The following AGBL1 variants were observed in gnomAD, a reference collection of about 807,000 sequenced individuals.
AGBL1 encodes the protein AGBL carboxypeptidase 1, also known as cytosolic carboxypeptidase 4.
Under a neutral mutation model 118.9 loss-of-function variants are expected in AGBL1, and 130 were observed. The observed-to-expected ratio is 1.09, with a 90% CI of 0.95 to 1.26. The LOEUF (loss-of-function observed/expected upper bound fraction) is 1.26. AGBL1 is among the 50% of genes most tolerant of loss of function. AGBL1 has a pLI of 0.00. For missense variants in AGBL1, 1,584 were observed against 1,298.1 expected, an observed-to-expected ratio of 1.22 and a Z score of -3.38; for synonymous variants, 555 against 478.9, an observed-to-expected ratio of 1.16 and a Z score of -2.08.
intron 22 of AGBL1, among the ~76,000 whole-genome samples, chr15:86,724,312 G>A (rs369416287): frequency 9.9e-5 from 15 of 150,836 alleles, no homozygotes; most frequent in African/African-American, 2.9e-4. Flanking sequence ...CAAGAACATC[G>A]GCAATAAGGA....
chr15:86,548,763 A>G (rs59324876), intron 20 of AGBL1, among the ~76,000 whole-genome samples: 11,054 of 152,032 alleles, frequency 0.073, 1,014 homozygotes, highest in African/African-American at 0.21. Context: ...TAGGCTCTCT[A>G]TAAATACATG....
At chr15:86,708,308 G>A (rs944249342) in intron 22 of AGBL1, among the ~76,000 whole-genome samples, 4 of 152,032 alleles carry the variant, frequency 2.6e-5, no homozygotes, top group African/African-American at 9.7e-5. Flanking sequence ...TAGTGTCCTT[G>A]TAAGAAAAGA....
intron 1 of AGBL1, among the ~76,000 whole-genome samples, chr15:86,131,614 G>A (rs938977374): frequency 3.3e-5 from 5 of 152,104 alleles, no homozygotes; most frequent in Admixed American, 6.5e-5. Context: ...GAATTAAGCA[G>A]TAAATGGTGT....
intron 23 of AGBL1, among the ~76,000 whole-genome samples, chr15:86,959,580 T>C (rs1051906992): frequency 6.6e-6 from 1 of 152,088 alleles, no homozygotes; most frequent in African/African-American, 2.4e-5. Context: ...CTTTGATTTG[T>C]TATTTGTCAG....
intron 24 of AGBL1, among the ~76,000 whole-genome samples, chr15:86,989,700 C>G (rs1342549182): frequency 6.6e-6 from 1 of 152,012 alleles, no homozygotes; most frequent in African/African-American, 2.4e-5. Flanking sequence ...TGACATATGA[C>G]AATGTTTTGA....
chr15:86,956,884 G>C (rs543076378), intron 23 of AGBL1, among the ~76,000 whole-genome samples: 1 of 152,122 alleles, frequency 6.6e-6, no homozygotes, highest in Non-Finnish European at 1.5e-5. Flanking sequence ...ATTTACATAA[G>C]TTAAACATGC....
chr15:86,820,187 T>C (rs112110747), intron 22 of AGBL1, among the ~76,000 whole-genome samples: 16,761 of 152,050 alleles, frequency 0.11, 1,200 homozygotes, highest in East Asian at 0.3. Flanking sequence ...ACTATAAAGC[T>C]TCTGGAAGAA....
chr15:86,821,426 A>G (rs567563098), intron 22 of AGBL1, among the ~76,000 whole-genome samples: 8 of 152,346 alleles, frequency 5.3e-5, no homozygotes, highest in African/African-American at 1.9e-4. Flanking sequence ...TTTATTCGAT[A>G]TGAAGAACAA....
chr15:86,421,505 A>T (rs2081789346), intron 18 of AGBL1, among the ~76,000 whole-genome samples: 1 of 152,246 alleles, frequency 6.6e-6, no homozygotes. Flanking sequence ...AAAACATACC[A>T]AAAGGTAAAG....
At chr15:86,225,493 AG>A (rs1422262896) in intron 6 of AGBL1, among the ~76,000 whole-genome samples, 1 of 152,174 alleles carries the variant, frequency 6.6e-6, no homozygotes, top group Non-Finnish European at 1.5e-5. Flanking sequence ...TATATTTAAA[AG>A]TTGACTCTTT....
chr15:86,340,529 C>G (rs2080445467), intron 17 of AGBL1, among the ~76,000 whole-genome samples: 1 of 152,148 alleles, frequency 6.6e-6, no homozygotes, highest in South Asian at 2.1e-4. Context: ...AGCCAAAGAT[C>G]ATCTGGAGGC....
At chr15:86,368,571 A>T (rs1471193140) in intron 17 of AGBL1, among the ~76,000 whole-genome samples, 2 of 152,220 alleles carry the variant, frequency 1.3e-5, no homozygotes, top group Non-Finnish European at 2.9e-5. Context: ...TATTCAAAAA[A>T]GTAAATGGGA....
intron 23 of AGBL1, among the ~76,000 whole-genome samples, chr15:86,975,537 T>C (rs1408365919): frequency 6.6e-6 from 1 of 151,998 alleles, no homozygotes; most frequent in African/African-American, 2.4e-5. Context: ...GACAAAGTAT[T>C]TCCCTTATTT....
chr15:86,703,849 A>G (rs1231816725), intron 22 of AGBL1, among the ~76,000 whole-genome samples: 2 of 152,026 alleles, frequency 1.3e-5, no homozygotes, highest in East Asian at 3.9e-4. Flanking sequence ...TCTTTTTTTT[A>G]GAACAAAACT....
At chr15:87,028,706 C>A in intron 24 of AGBL1, 1 of 821,458 alleles carries the variant, frequency 1.2e-6, no homozygotes, top group Admixed American at 2.1e-5. Flanking sequence ...GTTTATAATC[C>A]ATAGATGAGG....
At chr15:86,303,434 G>A (rs1171913796) in intron 17 of AGBL1, among the ~76,000 whole-genome samples, 2 of 152,120 alleles carry the variant, frequency 1.3e-5, no homozygotes, top group African/African-American at 4.8e-5. Context: ...AGGGTAGGGA[G>A]TTGAAATATT....
chr15:86,691,260 T>C (rs1166631314), intron 22 of AGBL1, among the ~76,000 whole-genome samples: 2 of 152,150 alleles, frequency 1.3e-5, no homozygotes, highest in African/African-American at 4.8e-5. Context: ...TAAAATATTC[T>C]TTTGTCTCTT....
chr15:86,324,589 G>A (rs914327103), intron 17 of AGBL1, among the ~76,000 whole-genome samples: 29 of 152,156 alleles, frequency 1.9e-4, no homozygotes, highest in Non-Finnish European at 3.8e-4. Context: ...AATATTTATA[G>A]AGAGAGTTTC....
chr15:86,335,783 G>T (rs1042978546), intron 17 of AGBL1, among the ~76,000 whole-genome samples: 2 of 152,154 alleles, frequency 1.3e-5, no homozygotes, highest in Non-Finnish European at 2.9e-5. Context: ...AATGAAAGAA[G>T]GGAATAGTTT....
Sources: gnomAD v4.1 joint callset for allele counts (sites outside exome capture counted in the v4.1 genomes callset) on GRCh38, gnomAD v4.1.1 for gene constraint, MANE v1.5 for transcripts, NCBI Gene and HGNC (gene_info 2026-07-23, HGNC 2026-07-21) for gene names.